Variants in CEP85L observed in about 807,000 individuals in gnomAD.
CEP85L encodes centrosomal protein 85L.
Under a neutral mutation model 100.3 loss-of-function variants are expected in CEP85L, and 60 were observed. That is an observed-to-expected ratio of 0.60 (90% CI 0.49 to 0.74). The LOEUF is 0.74. Ranked by LOEUF, CEP85L falls within the 30% of genes least tolerant of loss-of-function variation. CEP85L has a pLI of 0.00. For missense variants in CEP85L, 973 were observed against 936.2 expected (o/e 1.04, Z -0.51); for synonymous variants, 319 against 322.7 (o/e 0.99, Z 0.12).
intron 4 of CEP85L, among the ~76,000 whole-genome samples, chr6:118,517,719 T>C (rs887471957): frequency 6.6e-6 from 1 of 152,250 alleles, no homozygotes; most frequent in Non-Finnish European, 1.5e-5. Flanking sequence ...CCTATCTGAA[T>C]ACTTTTATTT....
upstream of CEP85L, among the ~76,000 whole-genome samples, chr6:118,653,219 GCGAAGGTGAAA>G (rs2115392862): frequency 6.6e-6 from 1 of 152,230 alleles, no homozygotes; most frequent in Non-Finnish European, 1.5e-5. Context: ...AAAAGTACAT[GCGAAGGTGAAA>G]GTATCTAAAA....
chr6:118,579,742 G>A (rs181093055), intron 2 of CEP85L, among the ~76,000 whole-genome samples: 2 of 152,270 alleles, frequency 1.3e-5, no homozygotes, highest in Admixed American at 1.3e-4. Flanking sequence ...ATTATTTTAG[G>A]CAGATAGAGA....
chr6:118,648,633 T>C (rs1775354115), intron 1 of CEP85L, among the ~76,000 whole-genome samples: 2 of 151,152 alleles, frequency 1.3e-5, no homozygotes, highest in Admixed American at 6.6e-5. Context: ...TCCCAGCTAC[T>C]CGGGAGGCTG....
chr6:118,536,456 G>A (rs759067245), intron 3 of CEP85L, among the ~76,000 whole-genome samples: 1 of 151,984 alleles, frequency 6.6e-6, no homozygotes, highest in Non-Finnish European at 1.5e-5. Flanking sequence ...GTACTTTACT[G>A]TATGTTAGAC....
chr6:118,544,706 G>A (rs1778095265), intron 3 of CEP85L, among the ~76,000 whole-genome samples: 1 of 152,176 alleles, frequency 6.6e-6, no homozygotes, highest in South Asian at 2.1e-4. Flanking sequence ...TAAAATGTTT[G>A]GGTCTCCAGG....
At chr6:118,480,261 T>G (rs1773678175) in intron 9 of CEP85L, 135 bp downstream of exon 9, 1 of 517,634 alleles carries the variant, frequency 1.9e-6, no homozygotes, top group Non-Finnish European at 3.3e-6. Flanking sequence ...AATAAAAACA[T>G]TCAAACTAGA....
chr6:118,658,686 A>G (rs1426273041), intron 1 of CEP85L, among the ~76,000 whole-genome samples: 1 of 152,148 alleles, frequency 6.6e-6, no homozygotes, highest in Non-Finnish European at 1.5e-5. Flanking sequence ...TATATGTTAA[A>G]TATAAAAGTG....
chr6:118,510,055 T>C (rs1054619370), intron 5 of CEP85L, among the ~76,000 whole-genome samples: 2 of 152,218 alleles, frequency 1.3e-5, no homozygotes, highest in Admixed American at 6.5e-5. Context: ...TTAGAAGGAA[T>C]AGACAAACTT....
Position 118,548,896 on chromosome 6 carries a change from T to G in CEP85L, c.1020+16633A>C, listed in dbSNP as rs554029440. On this transcript the variant is annotated intron_variant, in intron 3 of 12. Transcript: ENST00000368491. ...CTATTCCAATATTATCATAATTTCA[T>G]ACAGTGAATAATGAAATGGAGTTTC... 9.9e-5 allele frequency among the ~76,000 whole-genome samples: 15 copies of G among 152,110 alleles called. No homozygotes were observed. The South Asian group carries it at 2.9e-3, about 29-fold the overall frequency.
At chr6:118,648,739 CAAAAAAA>C (rs11442696) in intron 1 of CEP85L, among the ~76,000 whole-genome samples, 6 of 73,318 alleles carry the variant, frequency 8.2e-5, no homozygotes, top group Admixed American at 3.4e-4. Context: ...AAGACTGTCT[CAAAAAAA>C]AAAAAAAAAA....
intron 5 of CEP85L, among the ~76,000 whole-genome samples, chr6:118,507,628 T>C (rs1048382423): frequency 2.0e-5 from 3 of 152,220 alleles, no homozygotes; most frequent in Non-Finnish European, 4.4e-5. Context: ...TCTCTCACAT[T>C]ACATTTCATC....
chr6:118,651,096 G>A lies in CEP85L; in HGVS notation c.73+101C>T, dbSNP rs968861604. The A allele has an allele frequency of 2.9e-6, 4 of 1,394,670 alleles. No homozygotes were observed. The African/African-American group carries it at 6.1e-5, about 21-fold the overall frequency. 86.4% of individuals were successfully genotyped at this position (1,394,670 alleles called of 1,614,324 possible). A position where few individuals can be genotyped will look rare whatever the true frequency, so the allele number is the denominator to read the frequency against. ...CGGCGGCGTCGGGGAGGCGGCCGGG[G>A]TAAGACAGGCCTGAGGCGGGAGGGG... On this transcript the variant is annotated intron_variant, in intron 1 of 12. Transcript: ENST00000368491.
intron 2 of CEP85L, among the ~76,000 whole-genome samples, chr6:118,590,892 A>T (rs1781151281): frequency 6.6e-6 from 1 of 152,104 alleles, no homozygotes; most frequent in Admixed American, 6.5e-5. Context: ...GTGTCGTTTT[A>T]TTTAAACCGG....
At chr6:118,539,034 G>T (rs1268232271) in intron 3 of CEP85L, among the ~76,000 whole-genome samples, 1 of 151,996 alleles carries the variant, frequency 6.6e-6, no homozygotes, top group African/African-American at 2.4e-5. Flanking sequence ...CTTGCCCAAG[G>T]TTATGAATAG....
intron 3 of CEP85L, chr6:118,559,383 A>G (rs557568289): frequency 4.2e-5 from 16 of 381,406 alleles, no homozygotes; most frequent in South Asian, 3.4e-4. Flanking sequence ...GAAGATGAAG[A>G]GTTTAGTTTT....
chr6:118,536,986 A>T (rs1777630565), intron 3 of CEP85L, among the ~76,000 whole-genome samples: 3 of 152,306 alleles, frequency 2.0e-5, no homozygotes, highest in Admixed American at 2.0e-4. Context: ...CATGGCAGTT[A>T]TATATTACTA....
At chr6:118,582,518 G>C (rs1028568504) in intron 2 of CEP85L, among the ~76,000 whole-genome samples, 4 of 152,280 alleles carry the variant, frequency 2.6e-5, no homozygotes, top group Middle Eastern at 3.4e-3. Context: ...GGAAGAAGTG[G>C]AAACTCCATT....
chr6:118,525,875 G>A (rs946632006), intron 3 of CEP85L, among the ~76,000 whole-genome samples: 21 of 152,220 alleles, frequency 1.4e-4, no homozygotes, highest in African/African-American at 2.4e-5. Context: ...GAATTCAAAT[G>A]TGTAGTGATA....
intron 3 of CEP85L, among the ~76,000 whole-genome samples, chr6:118,554,034 G>A (rs1294030318): frequency 6.6e-6 from 1 of 152,076 alleles, no homozygotes; most frequent in African/African-American, 2.4e-5. Flanking sequence ...ATGAGGGCCA[G>A]GCATGGTCAT....
Sources: allele counts gnomAD v4.1 joint callset (sites outside exome capture counted in the v4.1 genomes callset), GRCh38; gene constraint gnomAD v4.1.1; transcripts MANE v1.5; gene names NCBI Gene and HGNC (gene_info 2026-07-23, HGNC 2026-07-21).